NUDCD3: variants seen among roughly 807,000 people sequenced by gnomAD.
The protein encoded by NUDCD3 is NudC domain containing 3.
In NUDCD3, 13 loss-of-function variants were observed where a neutral mutation model predicts 39.7. That is an observed-to-expected ratio of 0.33 (90% CI 0.21 to 0.52). NUDCD3 has a LOEUF of 0.52. Among genes scored for constraint, NUDCD3 ranks in the 20% least tolerant of loss-of-function variants. The pLI is 0.96. For synonymous variants in NUDCD3, 175 were observed against 172.4 expected, an observed-to-expected ratio of 1.02 and a Z score of -0.12; for missense variants, 453 against 458.1, an observed-to-expected ratio of 0.99 and a Z score of 0.10.
At chr7:44,403,363 A>G (rs778750657) in intron 4 of NUDCD3, among the ~76,000 whole-genome samples, 4 of 152,212 alleles carry the variant, frequency 2.6e-5, no homozygotes, top group African/African-American at 4.8e-5. Flanking sequence ...TGAAACACTC[A>G]CTAGGAGAGT....
chr7:44,427,646 G>C lies in NUDCD3; in HGVS notation c.567C>G (p.Asn189Lys). 6.2e-7 allele frequency: 1 copy of C among 1,614,044 alleles called. No homozygotes were observed. The highest frequency in any genetic ancestry group is 8.5e-7 in the Non-Finnish European group (1 of 1,179,930). The change falls in exon 3 of 6, where the codon AAC (asparagine) becomes AAG (lysine). Residue 189 changes from asparagine (N) to lysine (K), a missense_variant. Physicochemically the swap from Asn to Lys is moderately conservative, Grantham distance 94. Transcript: ENST00000355451. Reference sequence around the variant, plus strand: ...CAGTATAGTCCTGTGACCAGGTGTAGTTCTCTCGGACAGCACCATTGTAAC... The same window carrying C: ...CAGTATAGTCCTGTGACCAGGTGTACTTCTCTCGGACAGCACCATTGTAAC... ...PDSYNGAVRE[N>K]YTWSQDYTDL...
chr7:44,409,389 T>G (rs1798881578), intron 3 of NUDCD3, among the ~76,000 whole-genome samples: 1 of 152,186 alleles, frequency 6.6e-6, no homozygotes, highest in African/African-American at 2.4e-5. Context: ...GTTCACCAAG[T>G]ACAGATTTCA....
chr7:44,382,333 A>G lies in NUDCD3; in HGVS notation c.*3678T>C, dbSNP rs1367904979. The G allele has an allele frequency of 1.3e-5, 2 of 151,598 alleles. No individual in the cohort carries two copies. Among genetic ancestry groups the G allele is most frequent in the Non-Finnish European group, 2.9e-5 (2 of 67,910 alleles). 9.4% of individuals were successfully genotyped at this position (151,598 alleles called of 1,614,324 possible). A position where few individuals can be genotyped will look rare whatever the true frequency, so the allele number is the denominator to read the frequency against. Reference sequence around the variant, plus strand: ...AACAACCCTTGAACCTAAAGTTGGAAAGAAAAAAAAAGGTAAAATTAACAA... The same window carrying G: ...AACAACCCTTGAACCTAAAGTTGGAGAGAAAAAAAAAGGTAAAATTAACAA... On this transcript the variant is annotated 3_prime_UTR_variant, in exon 6 of 6. Coordinates refer to ENST00000355451, the MANE Select transcript of NUDCD3 (RefSeq NM_015332.4).
Position 44,382,970 on chromosome 7 carries a change from C to G in NUDCD3, c.*3041G>C, listed in dbSNP as rs1440235112. 1 of 152,274 alleles carries G rather than the reference C, an allele frequency of 6.6e-6. No homozygotes were observed. The highest frequency in any genetic ancestry group is 2.4e-5 in the African/African-American group (1 of 41,468). The allele number at this position is 152,274 out of a possible 1,614,324, so 9.4% of individuals were successfully genotyped here. A position where few individuals can be genotyped will look rare whatever the true frequency, so the allele number is the denominator to read the frequency against. On this transcript the variant is annotated 3_prime_UTR_variant, in exon 6 of 6. Transcript: ENST00000355451. ...GGTTATTTCTGGCCCTGGGAGTATG[C>G]TAGGCAATTCTAAGGATTGCCTTTG...
chr7:44,464,605 C>T (rs1563185136), intron 2 of NUDCD3, among the ~76,000 whole-genome samples: 2 of 152,042 alleles, frequency 1.3e-5, no homozygotes, highest in East Asian at 3.9e-4. Context: ...AGGCATGTAC[C>T]ACCAAACCCA....
intron 3 of NUDCD3, among the ~76,000 whole-genome samples, chr7:44,417,861 A>C (rs1799056892): frequency 6.6e-6 from 1 of 152,158 alleles, no homozygotes. Flanking sequence ...TCTAGAGGTC[A>C]CCAGTTGCTG....
intron 1 of NUDCD3, among the ~76,000 whole-genome samples, chr7:44,488,209 C>T (rs528930147): frequency 6.6e-5 from 10 of 151,776 alleles, no homozygotes; most frequent in Non-Finnish European, 1.2e-4. Flanking sequence ...GTGGCGCACA[C>T]CTGCAGTCCC....
At chr7:44,421,021 G>A (rs1799126638) in intron 3 of NUDCD3, among the ~76,000 whole-genome samples, 1 of 152,050 alleles carries the variant, frequency 6.6e-6, no homozygotes, top group Admixed American at 6.6e-5. Flanking sequence ...AATATAAATG[G>A]GCTAAATGCC....
chr7:44,415,537 T>C (rs1195769012), intron 3 of NUDCD3, among the ~76,000 whole-genome samples: 1 of 152,246 alleles, frequency 6.6e-6, no homozygotes, highest in Non-Finnish European at 1.5e-5. Flanking sequence ...TCTAGTTTTC[T>C]TCTAAAGAAC....
chr7:44,453,687 A>G (rs1322410827), intron 2 of NUDCD3, among the ~76,000 whole-genome samples: 1 of 152,216 alleles, frequency 6.6e-6, no homozygotes, highest in Non-Finnish European at 1.5e-5. Context: ...AAAGGTAGGC[A>G]CACAGGAAAG....
chr7:44,421,487 CAAA>C (rs35044732), intron 3 of NUDCD3, among the ~76,000 whole-genome samples: 30 of 111,426 alleles, frequency 2.7e-4, no homozygotes, highest in East Asian at 5.1e-4. Context: ...AAATGGAAAG[CAAA>C]AAAAAAAAAA....
intron 2 of NUDCD3, among the ~76,000 whole-genome samples, chr7:44,442,350 C>T (rs1799601709): frequency 6.6e-6 from 1 of 152,202 alleles, no homozygotes. Flanking sequence ...GGTCAATGCA[C>T]AGCTGCCACA....
intron 2 of NUDCD3, among the ~76,000 whole-genome samples, chr7:44,473,832 A>C (rs2116968595): frequency 6.6e-6 from 1 of 152,238 alleles, no homozygotes; most frequent in Middle Eastern, 3.4e-3. Context: ...AAACAACTTG[A>C]TTTACTTTAC....
intron 3 of NUDCD3, among the ~76,000 whole-genome samples, chr7:44,420,547 G>A (rs1485530516): frequency 2.0e-5 from 3 of 152,080 alleles, no homozygotes; most frequent in Non-Finnish European, 4.4e-5. Flanking sequence ...ACACATAATC[G>A]TCAGATTCTC....
intron 2 of NUDCD3, among the ~76,000 whole-genome samples, chr7:44,478,261 T>C (rs570299135): frequency 1.1e-4 from 16 of 152,306 alleles, no homozygotes; most frequent in African/African-American, 3.8e-4. Flanking sequence ...GATGGGTTAT[T>C]TACTTTGGGC....
intron 2 of NUDCD3, among the ~76,000 whole-genome samples, chr7:44,438,994 AG>A (rs1390067854): frequency 3.9e-5 from 6 of 152,216 alleles, no homozygotes; most frequent in Admixed American, 3.9e-4. Flanking sequence ...GGTGAAGAGG[AG>A]GCCAGTGAGG....
At chr7:44,443,599 C>G (rs971848392) in intron 2 of NUDCD3, among the ~76,000 whole-genome samples, 2 of 152,162 alleles carry the variant, frequency 1.3e-5, no homozygotes, top group Non-Finnish European at 2.9e-5. Flanking sequence ...TTAGTAGAGA[C>G]GGGGTTTCGC....
intron 2 of NUDCD3, among the ~76,000 whole-genome samples, chr7:44,436,506 G>A (rs73105358): frequency 0.13 from 19,567 of 152,212 alleles, 1,670 homozygotes; most frequent in Non-Finnish European, 0.19. Flanking sequence ...ATGCCAAACT[G>A]TTTTCCAGAG....
chr7:44,469,541 G>T (rs1800209139), intron 2 of NUDCD3, among the ~76,000 whole-genome samples: 1 of 152,178 alleles, frequency 6.6e-6, no homozygotes, highest in Non-Finnish European at 1.5e-5. Flanking sequence ...GGTATGCTGA[G>T]AAACAAGATA....
Sources: allele counts gnomAD v4.1 joint callset (sites outside exome capture counted in the v4.1 genomes callset), GRCh38; gene constraint gnomAD v4.1.1; transcripts MANE v1.5; gene names NCBI Gene and HGNC (gene_info 2026-07-23, HGNC 2026-07-21).